The following TMEM143 variants were observed in gnomAD, a reference collection of about 807,000 sequenced individuals.
TMEM143 encodes the protein transmembrane protein 143.
In TMEM143, 45 loss-of-function variants were observed where a neutral mutation model predicts 40.3. The observed-to-expected ratio is 1.12, with a 90% CI of 0.88 to 1.43. The LOEUF (loss-of-function observed/expected upper bound fraction) is 1.43, where lower values mean the gene tolerates loss of function less well. Ranked by LOEUF, TMEM143 falls within the 40% of genes most tolerant of loss-of-function variation. TMEM143 has a pLI of 0.00. For missense variants in TMEM143, 620 were observed against 613.4 expected (o/e 1.01, Z -0.11); for synonymous variants, 299 against 282.7 (o/e 1.06, Z -0.58).
chr19:48,348,562 A>G (rs1020613264), intron 3 of TMEM143, among the ~76,000 whole-genome samples: 7 of 152,198 alleles, frequency 4.6e-5, no homozygotes, highest in Admixed American at 2.0e-4. Context: ...AACAATCATC[A>G]TCAATGATAA....
In TMEM143 at chr19:48,360,080, G is replaced by A. The variant is rs138741709; in HGVS notation, c.361C>T (p.Arg121Trp). ...TLFHYHQILARLQALYDPINP... is the reference protein window; with the variant it reads ...TLFHYHQILAWLQALYDPINP... Reference sequence around the variant, plus strand: ...AAGGGCCCCGTCCTCACCTGCAGCCGGGCCAGGATTTGGTGGTAGTGGAAC... The same window carrying A: ...AAGGGCCCCGTCCTCACCTGCAGCCAGGCCAGGATTTGGTGGTAGTGGAAC... The change falls in exon 3 of 8, where the codon CGG becomes TGG. Residue 121 changes from arginine to tryptophan, a missense_variant. Transcript: ENST00000293261. 107 of 1,614,000 alleles carry A rather than the reference G, an allele frequency of 6.6e-5. No homozygotes were observed. The African/African-American group carries it at 8.9e-4, about 13-fold the overall frequency.
chr19:48,342,855 C>T, intron 5 of TMEM143, 46 bp from the exon 6 acceptor site: 1 of 1,540,726 alleles, frequency 6.5e-7, no homozygotes, highest in South Asian at 1.2e-5. Flanking sequence ...GACTGCACTG[C>T]CCGGGGAGCC....
At chr19:48,347,642 T>C (rs1463417142) in intron 3 of TMEM143, among the ~76,000 whole-genome samples, 2 of 150,720 alleles carry the variant, frequency 1.3e-5, no homozygotes, top group East Asian at 3.9e-4. Context: ...CTGCAACCTC[T>C]GCCTCCCAGG....
At chr19:48,360,201 CT>C (rs780529748) in intron 2 of TMEM143, 25 bp from the exon 3 acceptor site, 615 of 1,606,026 alleles carry the variant, frequency 3.8e-4, no homozygotes, top group South Asian at 6.7e-4. Flanking sequence ...AGCAAAACTT[CT>C]CTGTAGGCCT....
intron 6 of TMEM143, among the ~76,000 whole-genome samples, chr19:48,339,614 T>G (rs961388972): frequency 7.2e-5 from 11 of 152,006 alleles, no homozygotes; most frequent in African/African-American, 2.7e-4. Flanking sequence ...AGAAGCCAGA[T>G]TAGGGGACTA....
chr19:48,358,757 C>A (rs1345761988), intron 3 of TMEM143, among the ~76,000 whole-genome samples: 1 of 152,164 alleles, frequency 6.6e-6, no homozygotes, highest in African/African-American at 2.4e-5. Flanking sequence ...ATGTCCCTGC[C>A]TCTGATAGTC....
At chr19:48,348,744 C>T (rs1044458329) in intron 3 of TMEM143, among the ~76,000 whole-genome samples, 10 of 152,192 alleles carry the variant, frequency 6.6e-5, no homozygotes, top group Admixed American at 2.6e-4. Context: ...CAGAATGACA[C>T]ATTTGACCAT....
chr19:48,333,151 A>T lies in TMEM143; in HGVS notation c.*68T>A. 8.1e-7 allele frequency: 1 copy of T among 1,230,018 alleles called. No homozygotes were observed. The highest frequency in any genetic ancestry group is 2.1e-5 in the South Asian group (1 of 47,868). The allele number at this position is 1,230,018 out of a possible 1,614,324, so 76.2% of individuals were successfully genotyped here. A position where few individuals can be genotyped will look rare whatever the true frequency, so the allele number is the denominator to read the frequency against. The stretch of plus-strand genomic sequence containing the variant: ...GTGAAAAGTATAATAACCGTAATTG[A>T]CAGCCTGTCGTGAAGGAGGCGGGGC... On this transcript the variant is annotated 3_prime_UTR_variant, in exon 8 of 8. Coordinates refer to ENST00000293261, the MANE Select transcript of TMEM143 (RefSeq NM_018273.4). This position sits in a 1 kb window ranked among gnomAD's most constrained non-coding sequence, Gnocchi z 4.1.
rs1357736683 is a variant in TMEM143 at position 48,333,985 on chromosome 19, A to G, written c.1165+23T>C. On this transcript the variant is annotated intron_variant, in intron 7 of 7. Coordinates refer to ENST00000293261, the MANE Select transcript of TMEM143 (RefSeq NM_018273.4). The surrounding 1 kb of genome is among the most constrained non-coding windows in gnomAD (Gnocchi z 4.1). ...TCGCGGGGGTGTGGCCCCTGGGGGC[A>G]GGGTCCCAGGGCCACGTCCTACCTT... 1 of 1,510,994 alleles carries G rather than the reference A, an allele frequency of 6.6e-7. No individual in the cohort carries two copies. The highest frequency in any genetic ancestry group is 2.5e-5 in the East Asian group (1 of 40,392). The allele number at this position is 1,510,994 out of a possible 1,614,324, so 93.6% of individuals were successfully genotyped here. A position where few individuals can be genotyped will look rare whatever the true frequency, so the allele number is the denominator to read the frequency against.
Position 48,361,363 on chromosome 19 carries a change from G to A in TMEM143, c.265-1187C>T, listed in dbSNP as rs548574303. 4.6e-5 allele frequency among the ~76,000 whole-genome samples: 7 copies of A among 151,886 alleles called. No individual in the cohort carries two copies. The East Asian group carries it at 7.8e-4, about 17-fold the overall frequency. ...CTTCTAAGTAACTGGGATTATAGGC[G>A]CCTGCCACCACGCCTAGCTAATTTT... On this transcript the variant is annotated intron_variant, in intron 2 of 7. Coordinates refer to ENST00000293261, the MANE Select transcript of TMEM143 (RefSeq NM_018273.4).
rs760853766 is a variant in TMEM143, at chr19:48,345,254, A to G, written c.470T>C (p.Leu157Pro). 1.5e-5 allele frequency: 25 copies of G among 1,613,246 alleles called. No homozygotes were observed. Among genetic ancestry groups the G allele is most frequent in the Non-Finnish European group, 1.9e-5 (23 of 1,179,626 alleles). Residue 157 changes from leucine (L) to proline (P), a missense_variant, in exon 4 of 8, where the codon CTG becomes CCG. Leu to Pro is a moderately conservative substitution (Grantham distance 98, BLOSUM62 -3). Coordinates refer to ENST00000293261, the MANE Select transcript of TMEM143 (RefSeq NM_018273.4). The part of the protein sequence containing the change: ...LSNEQEVLRA[L>P]EPLLAQANFS... ...GTTGGCCTGGGCCAGCAGGGGCTCCAGAGCCCGAAGCACCTCCTGCTCATT... is the reference window on the plus strand; with the variant it reads ...GTTGGCCTGGGCCAGCAGGGGCTCCGGAGCCCGAAGCACCTCCTGCTCATT...
chr19:48,334,442 C>CTT (rs1393946438), intron 6 of TMEM143, among the ~76,000 whole-genome samples: 12 of 42,342 alleles, frequency 2.8e-4, no homozygotes, highest in African/African-American at 1.3e-3. Flanking sequence ...TTCTTTCTTT[C>CTT]TTTCTTTCTT....
chr19:48,333,510 A>G lies in TMEM143; in HGVS notation c.1166-77T>C. 1 of 1,012,604 alleles carries G rather than the reference A, an allele frequency of 9.9e-7. No homozygotes were observed. Among genetic ancestry groups the G allele is most frequent in the Non-Finnish European group, 1.5e-6 (1 of 677,614 alleles). The allele number at this position is 1,012,604 out of a possible 1,614,324, so 62.7% of individuals were successfully genotyped here. A position where few individuals can be genotyped will look rare whatever the true frequency, so the allele number is the denominator to read the frequency against. On this transcript the variant is annotated intron_variant, in intron 7 of 7. Transcript: ENST00000293261. This position sits in a 1 kb window ranked among gnomAD's most constrained non-coding sequence, Gnocchi z 4.1. ...TCGAGGGAGCAGCAAGGAGGGGCGT[A>G]GGGCAAAGAACAGGAAGGGCCTGGG...
intron 6 of TMEM143, among the ~76,000 whole-genome samples, chr19:48,338,196 ACT>A (rs1242430862): frequency 6.6e-6 from 1 of 150,878 alleles, no homozygotes; most frequent in Non-Finnish European, 1.5e-5. Context: ...CAGTCCCCTG[ACT>A]CTCTCTGCCC....
intron 3 of TMEM143, among the ~76,000 whole-genome samples, chr19:48,347,127 C>T (rs1018986109): frequency 3.3e-5 from 5 of 152,160 alleles, no homozygotes; most frequent in African/African-American, 1.2e-4. Flanking sequence ...GTTGCCTAGC[C>T]TATTTTGCTC....
chr19:48,363,436 G>A lies in TMEM143; in HGVS notation c.119C>T (p.Pro40Leu), dbSNP rs920876541. Residue 40 changes from proline (P) to leucine (L), a missense_variant, in exon 2 of 8, where the codon CCC becomes CTC. Pro to Leu is a moderately conservative substitution (Grantham distance 98, BLOSUM62 -3). Coordinates refer to ENST00000293261, the MANE Select transcript of TMEM143 (RefSeq NM_018273.4). ...TGCCAGCGATGAGAGGGCCCGGGGG[G>A]GCCCGAGGAGCGCGGGCAACAGTGG... ...VWPLLPALLG[P>L]PRALSSLAAK... is the part of the protein sequence containing the mutation. 2 of 1,614,018 alleles carry A rather than the reference G, an allele frequency of 1.2e-6. No homozygotes were observed. The highest frequency in any genetic ancestry group is 1.7e-6 in the Non-Finnish European group (2 of 1,180,004).
In TMEM143 at chr19:48,333,856, T is replaced by C; in HGVS notation, c.1165+152A>G. 1.2e-6 allele frequency: 1 copy of C among 810,758 alleles called. No homozygotes were observed. 50.2% of individuals were successfully genotyped at this position (810,758 alleles called of 1,614,324 possible). A position where few individuals can be genotyped will look rare whatever the true frequency, so the allele number is the denominator to read the frequency against. ...CACATCAGGCACCAAGATCGGAGTC[T>C]GGATTCGGAGGTCCTGTCTGCTGAG... On this transcript the variant is annotated intron_variant, in intron 7 of 7. Coordinates refer to ENST00000293261, the MANE Select transcript of TMEM143 (RefSeq NM_018273.4). This position sits in a 1 kb window ranked among gnomAD's most constrained non-coding sequence, Gnocchi z 4.1.
chr19:48,349,459 C>T (rs115125754), intron 3 of TMEM143, among the ~76,000 whole-genome samples: 2,862 of 152,262 alleles, frequency 0.019, 80 homozygotes, highest in African/African-American at 0.066. Flanking sequence ...GCCTGAGCAA[C>T]GCGGTGAAAC....
intron 3 of TMEM143, 151 bp from the exon 4 acceptor site, chr19:48,345,505 C>T (rs934493732): frequency 5.0e-5 from 23 of 456,598 alleles, no homozygotes; most frequent in Non-Finnish European, 6.9e-5. Flanking sequence ...TGTTGCCAGG[C>T]TGGAGTGCAG....
Sources: allele counts gnomAD v4.1 joint callset (sites outside exome capture counted in the v4.1 genomes callset), GRCh38; gene constraint gnomAD v4.1.1; non-coding constraint Gnocchi (gnomAD v3.1); transcripts MANE v1.5; gene names NCBI Gene and HGNC (gene_info 2026-07-23, HGNC 2026-07-21).